ERBB4: variants seen among roughly 807,000 people sequenced by gnomAD.
ERBB4 encodes receptor tyrosine-protein kinase erbB-4.
In ERBB4, 42 loss-of-function variants were observed where a neutral mutation model predicts 158.0. That is an observed-to-expected ratio of 0.27 (90% CI 0.21 to 0.34). ERBB4 has a LOEUF of 0.34. Among genes scored for constraint, ERBB4 ranks in the 10% least tolerant of loss-of-function variants. The pLI is 1.00. For synonymous variants in ERBB4, 583 were observed against 558.7 expected, an observed-to-expected ratio of 1.04 and a Z score of -0.61; for missense variants, 1,333 against 1,624.1, an observed-to-expected ratio of 0.82 and a Z score of 3.08.
intron 2 of ERBB4, among the ~76,000 whole-genome samples, chr2:212,034,236 T>C (rs1006068669): frequency 1.3e-5 from 2 of 152,004 alleles, no homozygotes; most frequent in African/African-American, 4.8e-5. Flanking sequence ...GGAATATCAA[T>C]TATGCATTTT....
chr2:212,358,878 C>T (rs2106357369), intron 1 of ERBB4, among the ~76,000 whole-genome samples: 1 of 151,546 alleles, frequency 6.6e-6, no homozygotes, highest in East Asian at 1.9e-4. Context: ...AAGATATATA[C>T]AATATATGAA....
At chr2:212,280,815 T>C (rs2085729592) in intron 1 of ERBB4, among the ~76,000 whole-genome samples, 1 of 151,616 alleles carries the variant, frequency 6.6e-6, no homozygotes, top group Non-Finnish European at 1.5e-5. Context: ...TAGAAACTGT[T>C]AAAACCAGGA....
intron 1 of ERBB4, among the ~76,000 whole-genome samples, chr2:212,212,088 T>C (rs1331199887): frequency 1.3e-5 from 2 of 152,124 alleles, no homozygotes; most frequent in Non-Finnish European, 2.9e-5. Context: ...AGTAATGGGA[T>C]TGCTGGATCA....
At chr2:211,559,276 C>G in intron 20 of ERBB4, among the ~76,000 whole-genome samples, 1 of 152,112 alleles carries the variant, frequency 6.6e-6, no homozygotes, top group African/African-American at 2.4e-5. Flanking sequence ...ATTCTTATAT[C>G]GCCTCAATCT....
intron 1 of ERBB4, among the ~76,000 whole-genome samples, chr2:212,386,678 C>G (rs1290807586): frequency 6.6e-6 from 1 of 151,856 alleles, no homozygotes; most frequent in Non-Finnish European, 1.5e-5. Context: ...TTATCTTGTA[C>G]CATTCATCCT....
intron 1 of ERBB4, among the ~76,000 whole-genome samples, chr2:212,473,951 G>A (rs1689242832): frequency 6.6e-6 from 1 of 151,974 alleles, no homozygotes; most frequent in Non-Finnish European, 1.5e-5. Flanking sequence ...GAAAAAAGGT[G>A]GCTTTGACAA....
chr2:212,169,663 G>T (rs951820435), intron 1 of ERBB4, among the ~76,000 whole-genome samples: 9 of 152,132 alleles, frequency 5.9e-5, no homozygotes, highest in African/African-American at 2.2e-4. Context: ...ATCTCAAATT[G>T]TAATCTCCAT....
rs537625278 is a variant in ERBB4 at position 211,533,645 on chromosome 2, T to C, written c.2487+28258A>G. ...AATATGGAACAGACAACATTTTTTT[T>C]ACAGAGCCATTTCAGATGAGATTAA... On this transcript the variant is annotated intron_variant, in intron 20 of 27. Coordinates refer to ENST00000342788, the MANE Select transcript of ERBB4 (RefSeq NM_005235.3). Among the ~76,000 whole-genome samples the C allele has an allele frequency of 3.3e-5, 5 of 152,168 alleles. No individual in the cohort carries two copies. In the South Asian group the frequency reaches 1.0e-3, roughly 31 times the overall value.
At chr2:211,604,266 T>C (rs2068900421) in intron 19 of ERBB4, among the ~76,000 whole-genome samples, 1 of 152,226 alleles carries the variant, frequency 6.6e-6, no homozygotes, top group South Asian at 2.1e-4. Context: ...GGTCACGAGA[T>C]GTCCCCACAT....
intron 3 of ERBB4, among the ~76,000 whole-genome samples, chr2:211,869,602 T>C (rs576552048): frequency 1.3e-5 from 2 of 152,216 alleles, no homozygotes; most frequent in Admixed American, 1.3e-4. Flanking sequence ...TCCTGGCATA[T>C]AAGAAAGTTT....
intron 1 of ERBB4, among the ~76,000 whole-genome samples, chr2:212,130,724 G>A (rs2080084869): frequency 6.6e-6 from 1 of 152,004 alleles, no homozygotes; most frequent in Non-Finnish European, 1.5e-5. Context: ...TTATTTATTT[G>A]GCATCTACTC....
intron 3 of ERBB4, among the ~76,000 whole-genome samples, chr2:211,793,989 A>C (rs1344846090): frequency 6.6e-6 from 1 of 151,920 alleles, no homozygotes. Flanking sequence ...TGAGTGACGT[A>C]ACCTTCTATA....
At chr2:212,105,352 A>G (rs1346676244) in intron 2 of ERBB4, among the ~76,000 whole-genome samples, 1 of 152,206 alleles carries the variant, frequency 6.6e-6, no homozygotes, top group East Asian at 1.9e-4. Flanking sequence ...ACTGAATTGC[A>G]TTGTGTAAAA....
At chr2:212,165,220 C>T (rs988244200) in intron 1 of ERBB4, among the ~76,000 whole-genome samples, 59 of 151,734 alleles carry the variant, frequency 3.9e-4, no homozygotes, top group African/African-American at 1.3e-3. Context: ...ATGCAAGTTG[C>T]GAGTGGGATT....
chr2:211,870,087 C>G (rs1198370687), intron 3 of ERBB4, among the ~76,000 whole-genome samples: 2 of 152,108 alleles, frequency 1.3e-5, no homozygotes, highest in Non-Finnish European at 2.9e-5. Flanking sequence ...CCTTTATTGT[C>G]TACCACTCTT....
At chr2:212,341,632 A>G (rs1282359913) in intron 1 of ERBB4, among the ~76,000 whole-genome samples, 2 of 152,084 alleles carry the variant, frequency 1.3e-5, no homozygotes, top group Non-Finnish European at 2.9e-5. Flanking sequence ...ACTAAATGAC[A>G]TATTAAAAGC....
At chr2:212,080,245 G>A (rs1197838545) in intron 2 of ERBB4, among the ~76,000 whole-genome samples, 3 of 151,636 alleles carry the variant, frequency 2.0e-5, no homozygotes, top group South Asian at 2.1e-4. Flanking sequence ...CCCGGGAAGC[G>A]GAGGTTGCAG....
At chr2:211,473,013 C>G (rs565105109) in intron 20 of ERBB4, among the ~76,000 whole-genome samples, 9 of 151,672 alleles carry the variant, frequency 5.9e-5, no homozygotes, top group African/African-American at 1.9e-4. Flanking sequence ...GTTCTAATTC[C>G]TGGAACCCAT....
At chr2:212,337,760 GC>G (rs1187571710) in intron 1 of ERBB4, among the ~76,000 whole-genome samples, 1 of 152,042 alleles carries the variant, frequency 6.6e-6, no homozygotes, top group Non-Finnish European at 1.5e-5. Flanking sequence ...GCTACTTAAA[GC>G]CTGATATTAT....
Sources: allele counts gnomAD v4.1 joint callset (sites outside exome capture counted in the v4.1 genomes callset), GRCh38; gene constraint gnomAD v4.1.1; transcripts MANE v1.5; gene names NCBI Gene and HGNC (gene_info 2026-07-23, HGNC 2026-07-21).